Variants in MED13L observed in about 807,000 individuals in gnomAD.
MED13L encodes the protein mediator of RNA polymerase II transcription subunit 13-like.
A neutral mutation model predicts 220.9 loss-of-function variants in MED13L; 7 were observed. The ratio of observed to expected loss-of-function variants is 0.03; its 90% CI spans 0.02 to 0.06. The LOEUF (loss-of-function observed/expected upper bound fraction) is 0.06. MED13L is among the 10% of genes least tolerant of loss of function. The pLI, the probability that MED13L is intolerant of heterozygous loss-of-function variation, is 1.00. For synonymous variants in MED13L, 1,011 were observed against 1,015.2 expected, an observed-to-expected ratio of 1.00 and a Z score of 0.08; for missense variants, 1,965 against 2,760.5, an observed-to-expected ratio of 0.71 and a Z score of 6.46.
rs759007334 is a variant in MED13L, at chr12:116,008,609, C to A, written c.1804G>T (p.Val602Leu). The change falls in exon 10 of 31, where the codon GTA (valine) becomes TTA (leucine). Residue 602 changes from valine (V) to leucine (L), a missense_variant. Physicochemically the swap from Val to Leu is conservative, Grantham distance 32 (BLOSUM62 1). This residue lies in a region of MED13L where 818 missense variants were observed against 1,041.2 expected (regional missense o/e 0.79). Coordinates refer to ENST00000281928, the MANE Select transcript of MED13L (RefSeq NM_015335.5). ...GCCATGAGAGGCAGTCTTTGGCCTA[C>A]GAGGACAGTTCTGTCATCCAGAGTA... ...LSTLDDRTVL[V>L]GQRLPLMAEV... 6.2e-7 allele frequency: 1 copy of A among 1,614,074 alleles called. No homozygotes were observed. Among genetic ancestry groups the A allele is most frequent in the East Asian group, 2.2e-5 (1 of 44,848 alleles).
chr12:115,985,757 T>C (rs910786344), intron 19 of MED13L, among the ~76,000 whole-genome samples: 4 of 152,234 alleles, frequency 2.6e-5, no homozygotes, highest in African/African-American at 4.8e-5. Flanking sequence ...TATCAAAGTT[T>C]CAGTATTAAG....
In MED13L at chr12:115,982,435, T is replaced by C. The variant is rs560394918; in HGVS notation, c.5124A>G (p.Thr1708=). The change falls in exon 22 of 31, where the codon ACA becomes ACG. Residue 1708 remains threonine (T), a synonymous_variant. Coordinates refer to ENST00000281928, the MANE Select transcript of MED13L (RefSeq NM_015335.5). The stretch of plus-strand genomic sequence containing the variant: ...GCTCAGGTAAATTATCCAGCATTTC[T>C]GTGTAGCAGCGCATCAAGCTCAACA... ...FWLLSLMRCY[T]EMLDNLPEHM... The C allele has an allele frequency of 5.6e-6, 9 of 1,614,206 alleles. No homozygotes were observed. In the South Asian group the frequency reaches 6.6e-5, roughly 12 times the overall value.
intron 2 of MED13L, among the ~76,000 whole-genome samples, chr12:116,127,108 A>C (rs1194714692): frequency 6.6e-6 from 1 of 152,244 alleles, no homozygotes; most frequent in African/African-American, 2.4e-5. Flanking sequence ...TAGTTTAAAT[A>C]CCAGCTATTA....
rs1875913988 is a variant in MED13L, at chr12:116,129,869, A to G, written c.311-18357T>C. On this transcript the variant is annotated intron_variant, in intron 2 of 30. Transcript: ENST00000281928. ...GGTTGTAGTGAGCCGAGATCGTGCC[A>G]CGGCACTCCAGCCTGGGCAACAGAG... Among the ~76,000 whole-genome samples the G allele has an allele frequency of 1.3e-5, 2 of 151,734 alleles. 1 individual carries two copies. The highest frequency in any genetic ancestry group is 1.3e-4 in the Admixed American group (2 of 15,198).
intron 9 of MED13L, among the ~76,000 whole-genome samples, chr12:116,010,473 T>G (rs967809623): frequency 5.9e-5 from 9 of 152,186 alleles, no homozygotes; most frequent in African/African-American, 1.9e-4. Context: ...AAGTGGATAA[T>G]CTAATCATAA....
Position 115,971,934 on chromosome 12 carries a change from A to C in MED13L, c.5890+144T>G, listed in dbSNP as rs1402928071. On this transcript the variant is annotated intron_variant, in intron 26 of 30. Coordinates refer to ENST00000281928, the MANE Select transcript of MED13L (RefSeq NM_015335.5). ...AACCACTCCGCATGGAAGGTATCGAATGTTTTCCATCTTTAAGCCCCAAAT... is the reference window on the plus strand; with the variant it reads ...AACCACTCCGCATGGAAGGTATCGACTGTTTTCCATCTTTAAGCCCCAAAT... 5 of 988,202 alleles carry C rather than the reference A, an allele frequency of 5.1e-6. No homozygotes were observed. In the African/African-American group the frequency reaches 6.5e-5, roughly 13 times the overall value. 61.2% of individuals were successfully genotyped at this position (988,202 alleles called of 1,614,324 possible). A position where few individuals can be genotyped will look rare whatever the true frequency, so the allele number is the denominator to read the frequency against.
At position 115,991,588 on chromosome 12, in the gene MED13L, G is replaced by T. The variant is rs1878062106; in HGVS notation, c.3366C>A (p.Ile1122=). 1 of 1,614,164 alleles carries T rather than the reference G, an allele frequency of 6.2e-7. No individual in the cohort carries two copies. The highest frequency in any genetic ancestry group is 1.3e-5 in the African/African-American group (1 of 75,036). ...TLILSDSVMN[I]FKDRNFDSCC... The stretch of plus-strand genomic sequence containing the variant: ...AGCTGTCAAAGTTTCTGTCTTTAAA[G>T]ATATTCATCACGGAATCGGAGAGAA... The change falls in exon 17 of 31, where the codon ATC becomes ATA. Residue 1122 remains isoleucine (I), a synonymous_variant. Coordinates refer to ENST00000281928, the MANE Select transcript of MED13L (RefSeq NM_015335.5). This position sits in a 1 kb window ranked among gnomAD's most constrained non-coding sequence, Gnocchi z 7.7.
chr12:115,963,307 T>C, intron 30 of MED13L, 100 bp downstream of exon 30: 1 of 983,488 alleles, frequency 1.0e-6, no homozygotes, highest in Admixed American at 1.9e-5. Context: ...AAACGGCAGC[T>C]TCTATGAATA....
chr12:116,109,764 A>G (rs1402301403), intron 3 of MED13L, among the ~76,000 whole-genome samples: 1 of 152,200 alleles, frequency 6.6e-6, no homozygotes, highest in Admixed American at 6.5e-5. Context: ...AATACTTAAG[A>G]GTACTCAACT....
At chr12:116,064,177 C>T (rs1373378803) in intron 4 of MED13L, among the ~76,000 whole-genome samples, 4 of 150,546 alleles carry the variant, frequency 2.7e-5, no homozygotes, top group African/African-American at 9.8e-5. Context: ...AACAAGACCC[C>T]GTCTCAAAAA....
At chr12:116,085,358 A>C (rs1871556845) in intron 4 of MED13L, among the ~76,000 whole-genome samples, 1 of 152,188 alleles carries the variant, frequency 6.6e-6, no homozygotes, top group African/African-American at 2.4e-5. Context: ...AAAACCAATA[A>C]TTATAAGAAT....
chr12:116,160,879 T>C (rs1052950374), intron 2 of MED13L, among the ~76,000 whole-genome samples: 2 of 152,044 alleles, frequency 1.3e-5, no homozygotes, highest in Non-Finnish European at 2.9e-5. Flanking sequence ...GCAAACTTTA[T>C]AAACAGAATT....
chr12:116,033,681 T>G (rs1880994193), intron 4 of MED13L, among the ~76,000 whole-genome samples: 1 of 152,202 alleles, frequency 6.6e-6, no homozygotes, highest in Non-Finnish European at 1.5e-5. Flanking sequence ...ACACGTCACC[T>G]TGGAGCTTCC....
Position 116,008,973 on chromosome 12 carries a change from T to C in MED13L, c.1440A>G (p.Gln480=). The C allele has an allele frequency of 1.2e-6, 2 of 1,614,146 alleles. No homozygotes were observed. Among genetic ancestry groups the C allele is most frequent in the Non-Finnish European group, 1.7e-6 (2 of 1,180,006 alleles). ...GGTGAAATGGTATTAAGGGTCTCTTTTGCAGCTTGTCTCCTTTTTCCTGTC... is the reference window on the plus strand; with the variant it reads ...GGTGAAATGGTATTAAGGGTCTCTTCTGCAGCTTGTCTCCTTTTTCCTGTC... ...AERQEKGDKL[Q]KRPLIPFHHR... is the part of the protein sequence containing the mutation. Residue 480 remains glutamine, a synonymous_variant, in exon 10 of 31, where the codon CAA becomes CAG. Coordinates refer to ENST00000281928, the MANE Select transcript of MED13L (RefSeq NM_015335.5).
chr12:116,250,048 A>AAAAAAAAC (rs1871392896), intron 1 of MED13L, among the ~76,000 whole-genome samples: 1 of 149,054 alleles, frequency 6.7e-6, no homozygotes. Context: ...AAAAAAAAAA[A>AAAAAAAAC]ACACACCAAA....
intron 2 of MED13L, chr12:116,174,479 T>A (rs1006330874): frequency 2.6e-5 from 4 of 151,664 alleles, no homozygotes; most frequent in African/African-American, 9.7e-5. Context: ...CAAACTCGTT[T>A]TTGTTTTGTT....
At chr12:116,202,717 C>T (rs1882081565) in intron 2 of MED13L, among the ~76,000 whole-genome samples, 1 of 152,152 alleles carries the variant, frequency 6.6e-6, no homozygotes, top group Admixed American at 6.5e-5. Context: ...TCTCTAAAAT[C>T]CACCAACCCT....
chr12:116,016,345 C>T (rs1879722867), intron 7 of MED13L, among the ~76,000 whole-genome samples: 1 of 152,016 alleles, frequency 6.6e-6, no homozygotes, highest in Non-Finnish European at 1.5e-5. Flanking sequence ...AAATGAAGCG[C>T]TCTTCTTTCC....
intron 9 of MED13L, among the ~76,000 whole-genome samples, chr12:116,009,995 C>T (rs1201816120): frequency 6.6e-6 from 1 of 152,132 alleles, no homozygotes; most frequent in Non-Finnish European, 1.5e-5. Flanking sequence ...GTAGTAGTAA[C>T]TCTCTGAGGC....
Sources: allele counts gnomAD v4.1 joint callset (sites outside exome capture counted in the v4.1 genomes callset), GRCh38; gene constraint gnomAD v4.1.1; regional missense constraint gnomAD v4.1.1; non-coding constraint Gnocchi (gnomAD v3.1); transcripts MANE v1.5; gene names NCBI Gene and HGNC (gene_info 2026-07-23, HGNC 2026-07-21).